SLC67A1: variants seen among roughly 807,000 people sequenced by gnomAD.
SLC67A1 encodes solute carrier family 67 member A1.
chr11:2,924,784 C>A, the SLC67A1 span, among the ~76,000 whole-genome samples: 1 of 152,104 alleles, frequency 6.6e-6, no homozygotes, highest in East Asian at 1.9e-4. This position sits in a 1 kb window ranked among gnomAD's most constrained non-coding sequence, Gnocchi z 8.6. Flanking sequence ...GCTGTGTTTG[C>A]TCCAAAGGCT....
At chr11:2,922,177 G>C in the SLC67A1 span, 2 of 1,613,548 alleles carry the variant, frequency 1.2e-6, no homozygotes. Context: ...CAGCGTGCTG[G>C]TCTTCATCGT....
chr11:2,903,332 T>C, the SLC67A1 span: 3 of 1,611,532 alleles, frequency 1.9e-6, no homozygotes, highest in African/African-American at 4.0e-5. Context: ...GTCTCCCTGC[T>C]GCGCCTGTCC....
the SLC67A1 span, chr11:2,916,570 G>A: frequency 1.5e-5 from 21 of 1,392,274 alleles, no homozygotes; most frequent in Non-Finnish European, 1.8e-5. Flanking sequence ...TGTGGCTGGG[G>A]CGCCTGGGCC....
the SLC67A1 span, chr11:2,919,226 C>A: frequency 1.0e-6 from 1 of 994,952 alleles, no homozygotes; most frequent in Non-Finnish European, 1.6e-6. Flanking sequence ...CCTGATTGGC[C>A]AGGCTGCTGA....
At chr11:2,924,183 G>A in the SLC67A1 span, among the ~76,000 whole-genome samples, 4 of 152,234 alleles carry the variant, frequency 2.6e-5, no homozygotes, top group Admixed American at 2.6e-4. The surrounding 1 kb of genome is among the most constrained non-coding windows in gnomAD (Gnocchi z 8.6). Flanking sequence ...CGGGTAGCTG[G>A]CCACAGGGGC....
At chr11:2,901,344 G>A in the SLC67A1 span, among the ~76,000 whole-genome samples, 3 of 152,216 alleles carry the variant, frequency 2.0e-5, no homozygotes, top group East Asian at 1.9e-4. Flanking sequence ...GCCGGCTCTC[G>A]CTCGCCTCTG....
the SLC67A1 span, chr11:2,899,754 T>C: frequency 4.9e-6 from 7 of 1,436,190 alleles, no homozygotes; most frequent in Non-Finnish European, 6.4e-6. Flanking sequence ...TTTCCTCTGC[T>C]CAACCAGTTC....
the SLC67A1 span, among the ~76,000 whole-genome samples, chr11:2,912,464 C>A: frequency 6.6e-6 from 1 of 152,254 alleles, no homozygotes. Flanking sequence ...CGCCTTGCAG[C>A]CTTCCTGCCC....
chr11:2,925,067 C>CG, the SLC67A1 span: 1 of 1,613,740 alleles, frequency 6.2e-7, no homozygotes. This position sits in a 1 kb window ranked among gnomAD's most constrained non-coding sequence, Gnocchi z 6.5. Flanking sequence ...CTGGGACCCA[C>CG]GGTCGGCGGC....
At chr11:2,909,725 C>A in the SLC67A1 span, 1 of 1,484,158 alleles carries the variant, frequency 6.7e-7, no homozygotes, top group Non-Finnish European at 8.9e-7. Context: ...GTGGTGGGGG[C>A]CGGGGCGGAG....
chr11:2,901,913 T>C, the SLC67A1 span, among the ~76,000 whole-genome samples: 14 of 150,880 alleles, frequency 9.3e-5, no homozygotes, highest in African/African-American at 3.4e-4. Context: ...CGCCCCTGCC[T>C]CCCCTCCATT....
chr11:2,903,317 C>T, the SLC67A1 span: 2 of 1,609,894 alleles, frequency 1.2e-6, no homozygotes, highest in Non-Finnish European at 1.7e-6. Context: ...TTGGATCTCT[C>T]CTGGGTCTCC....
the SLC67A1 span, chr11:2,922,491 G>T: frequency 1.2e-6 from 2 of 1,612,932 alleles, no homozygotes; most frequent in Non-Finnish European, 1.7e-6. Flanking sequence ...CTGGTGTTCA[G>T]CCTCTGCACC....
the SLC67A1 span, chr11:2,916,993 G>GGT: frequency 1.8e-6 from 1 of 550,572 alleles, no homozygotes; most frequent in Non-Finnish European, 3.3e-6. Flanking sequence ...AGACAGGGAA[G>GGT]GCGTTAGGAG....
the SLC67A1 span, chr11:2,921,470 T>C: frequency 6.4e-6 from 1 of 155,070 alleles, no homozygotes; most frequent in Non-Finnish European, 1.4e-5. Context: ...CCAGGCGCGT[T>C]GGCCCAGCAC....
chr11:2,919,968 G>C, the SLC67A1 span: 1 of 152,530 alleles, frequency 6.6e-6, no homozygotes, highest in Non-Finnish European at 1.5e-5. Flanking sequence ...CAGCTCCCGG[G>C]CCGGGGCGAG....
the SLC67A1 span, among the ~76,000 whole-genome samples, chr11:2,913,100 A>G: frequency 6.6e-6 from 1 of 152,032 alleles, no homozygotes; most frequent in Non-Finnish European, 1.5e-5. Flanking sequence ...CACCTGCTGT[A>G]CAGGGAAGAG....
At chr11:2,905,316 G>A in the SLC67A1 span, among the ~76,000 whole-genome samples, 1 of 152,174 alleles carries the variant, frequency 6.6e-6, no homozygotes, top group Non-Finnish European at 1.5e-5. Context: ...GACCATCGTG[G>A]AGGAGGGAAG....
chr11:2,924,539 G>C, the SLC67A1 span, among the ~76,000 whole-genome samples: 6 of 152,172 alleles, frequency 3.9e-5, no homozygotes, highest in African/African-American at 1.4e-4. The surrounding 1 kb of genome is among the most constrained non-coding windows in gnomAD (Gnocchi z 8.6). Flanking sequence ...GGAAAGAGCC[G>C]TGAGAGCCAG....
Sources: gnomAD v4.1 joint callset for allele counts (sites outside exome capture counted in the v4.1 genomes callset) on GRCh38, gnomAD v4.1.1 for gene constraint, Gnocchi (gnomAD v3.1) non-coding constraint, MANE v1.5 for transcripts, NCBI Gene and HGNC (gene_info 2026-07-23, HGNC 2026-07-21) for gene names.